Variants in CRYBG3 observed in about 807,000 individuals in gnomAD.
The protein encoded by CRYBG3 is very large A-kinase anchor protein.
In CRYBG3, 127 loss-of-function variants were observed where a neutral mutation model predicts 244.2. The ratio of observed to expected loss-of-function variants is 0.52; its 90% CI spans 0.45 to 0.60. The LOEUF (loss-of-function observed/expected upper bound fraction) is 0.60, where lower values mean the gene tolerates loss of function less well. CRYBG3 is among the 20% of genes least tolerant of loss of function. CRYBG3 has a pLI of 0.00. For synonymous variants in CRYBG3, 1,132 were observed against 1,195.8 expected (o/e 0.95, Z 1.10); for missense variants, 3,325 against 3,442.5 (o/e 0.97, Z 0.85).
chr3:97,898,817 TAG>T, intron 12 of CRYBG3, 64 bp from the exon 13 acceptor site: 1 of 1,152,556 alleles, frequency 8.7e-7, no homozygotes. Flanking sequence ...GATATTTTGC[TAG>T]ATAATAGCAG....
At chr3:97,840,564 A>G (rs770245325) in intron 1 of CRYBG3, 1 of 152,018 alleles carries the variant, frequency 6.6e-6, no homozygotes, top group Non-Finnish European at 1.5e-5. Flanking sequence ...TTTGGAAGTA[A>G]TTACAGCTAT....
At chr3:97,909,876 G>GT (rs2039843312) in intron 15 of CRYBG3, among the ~76,000 whole-genome samples, 1 of 145,650 alleles carries the variant, frequency 6.9e-6, no homozygotes, top group Admixed American at 6.9e-5. Context: ...CATCTTTGTG[G>GT]TTTTATCTAC....
chr3:97,830,017 A>T (rs1486570781), intron 1 of CRYBG3, among the ~76,000 whole-genome samples: 1 of 152,090 alleles, frequency 6.6e-6, no homozygotes, highest in African/African-American at 2.4e-5. Context: ...ATATATATTG[A>T]CCTCTGGTAG....
In CRYBG3 at chr3:97,874,701, A is replaced by G; in HGVS notation, c.3507A>G (p.Gln1169=). The change falls in exon 4 of 22, where the codon CAA becomes CAG. Residue 1169 remains glutamine (Q), a synonymous_variant. Transcript: ENST00000389622. Reference sequence around the variant, plus strand: ...CAGCGTCAGTTAACAGCTCAGGCCAACAGTGTTCTGAAGCCTCTGCTGAGC... The same window carrying G: ...CAGCGTCAGTTAACAGCTCAGGCCAGCAGTGTTCTGAAGCCTCTGCTGAGC... ...GPAASVNSSG[Q]QCSEASAEHI... 2.0e-6 allele frequency: 3 copies of G among 1,535,878 alleles called. No homozygotes were observed. Among genetic ancestry groups the G allele is most frequent in the Admixed American group, 2.0e-5 (1 of 50,986 alleles).
intron 15 of CRYBG3, among the ~76,000 whole-genome samples, chr3:97,905,034 A>G (rs908192530): frequency 1.2e-4 from 18 of 151,784 alleles, no homozygotes; most frequent in African/African-American, 3.6e-4. Context: ...GAGAATGATG[A>G]TTTCCAATTT....
At chr3:97,880,238 A>G in intron 6 of CRYBG3, 138 bp downstream of exon 6, 2 of 564,018 alleles carry the variant, frequency 3.5e-6, no homozygotes, top group Non-Finnish European at 6.2e-6. Context: ...TTGAAACATT[A>G]TTATTAGTGT....
chr3:97,878,145 T>C, intron 4 of CRYBG3, 108 bp downstream of exon 4: 7 of 1,014,100 alleles, frequency 6.9e-6, no homozygotes, highest in Non-Finnish European at 1.0e-5. Context: ...GCATGGTGGC[T>C]CATGCCTGTA....
intron 1 of CRYBG3, chr3:97,837,118 A>G (rs1163477724): frequency 1.3e-5 from 2 of 152,164 alleles, no homozygotes; most frequent in Non-Finnish European, 2.9e-5. Context: ...AGTTGTTGCA[A>G]AGCATTTTAC....
rs185183384 is a variant in CRYBG3 at position 97,846,744 on chromosome 3, A to G, written c.216+3483A>G. Among the ~76,000 whole-genome samples the G allele has an allele frequency of 5.3e-5, 8 of 152,204 alleles. No homozygotes were observed. In the South Asian group the frequency reaches 6.2e-4, roughly 12 times the overall value. ...AATCCTAAGTCATTTCAGATTGCCT[A>G]TGGGATGATTGTTAGGTTCAGAGTC... is the stretch of plus-strand genomic sequence containing the variant. On this transcript the variant is annotated intron_variant, in intron 2 of 21. Coordinates refer to ENST00000389622, the MANE Select transcript of CRYBG3 (RefSeq NM_153605.4).
chr3:97,898,479 T>G (rs368511149), intron 12 of CRYBG3, among the ~76,000 whole-genome samples: 76 of 152,282 alleles, frequency 5.0e-4, no homozygotes, highest in African/African-American at 1.7e-3. Flanking sequence ...TTATATCTAT[T>G]TTTCCTATTA....
chr3:97,877,842 G>C lies in CRYBG3; in HGVS notation c.6648G>C (p.Lys2216Asn), dbSNP rs2108220613. The C allele has an allele frequency of 6.2e-7, 1 of 1,614,066 alleles. No individual in the cohort carries two copies. ...SNLQVGLWPE[K>N]TSFLQKSDLT... Reference sequence around the variant, plus strand: ...TGCAAGTTGGTCTGTGGCCAGAAAAGACCTCGTTTCTCCAGAAATCTGACC... The same window carrying C: ...TGCAAGTTGGTCTGTGGCCAGAAAACACCTCGTTTCTCCAGAAATCTGACC... Residue 2216 changes from lysine to asparagine, a missense_variant, in exon 4 of 22, where the codon AAG (lysine) becomes AAC (asparagine). By Grantham distance (94) the Lys-to-Asn change is moderately conservative (BLOSUM62 0). Coordinates refer to ENST00000389622, the MANE Select transcript of CRYBG3 (RefSeq NM_153605.4).
intron 1 of CRYBG3, among the ~76,000 whole-genome samples, chr3:97,828,029 A>G (rs2038601454): frequency 6.6e-6 from 1 of 152,206 alleles, no homozygotes; most frequent in African/African-American, 2.4e-5. Context: ...GGAGAGGAAA[A>G]TAAATGCACA....
intron 18 of CRYBG3, among the ~76,000 whole-genome samples, chr3:97,935,181 C>T (rs1316456014): frequency 4.6e-5 from 7 of 152,096 alleles, no homozygotes; most frequent in Non-Finnish European, 1.0e-4. Context: ...GTGATGATGA[C>T]AGCCATGCTT....
chr3:97,903,161 C>T (rs1250147233), intron 15 of CRYBG3, among the ~76,000 whole-genome samples: 1 of 152,098 alleles, frequency 6.6e-6, no homozygotes, highest in African/African-American at 2.4e-5. Context: ...AGCAACTAGG[C>T]GTTTTCTTAT....
In CRYBG3 at chr3:97,899,037, C is replaced by G; in HGVS notation, c.7844+12C>G. ...GTTAAAAGTGGAGTGTAAGTTGCCT[C>G]CTCTAAGAACCTTGAGAGTCTTTGG... On this transcript the variant is annotated intron_variant, in intron 13 of 21. Coordinates refer to ENST00000389622, the MANE Select transcript of CRYBG3 (RefSeq NM_153605.4). 6.2e-7 allele frequency: 1 copy of G among 1,606,570 alleles called. No individual in the cohort carries two copies. Among genetic ancestry groups the G allele is most frequent in the African/African-American group, 1.3e-5 (1 of 74,542 alleles).
chr3:97,859,221 C>T (rs1043254558), intron 2 of CRYBG3, among the ~76,000 whole-genome samples: 16 of 152,096 alleles, frequency 1.1e-4, no homozygotes, highest in Non-Finnish European at 1.8e-4. Context: ...CCATTCAGCT[C>T]CACTGATGAA....
chr3:97,937,053 A>T (rs981606953), intron 19 of CRYBG3, 145 bp downstream of exon 19: 1 of 867,590 alleles, frequency 1.2e-6, no homozygotes, highest in Non-Finnish European at 1.7e-6. Flanking sequence ...GATATCTTGT[A>T]CATTTTAACC....
intron 17 of CRYBG3, among the ~76,000 whole-genome samples, chr3:97,927,025 C>T (rs750609957): frequency 1.3e-5 from 2 of 151,880 alleles, no homozygotes; most frequent in African/African-American, 2.4e-5. Context: ...CTGTTCCTAC[C>T]GAAGTACCAA....
intron 15 of CRYBG3, among the ~76,000 whole-genome samples, chr3:97,906,812 C>T (rs1279433675): frequency 9.9e-5 from 15 of 152,088 alleles, no homozygotes; most frequent in African/African-American, 3.6e-4. Flanking sequence ...GAGGGCATCC[C>T]TGTCATGTGC....
Sources: allele counts gnomAD v4.1 joint callset (sites outside exome capture counted in the v4.1 genomes callset), GRCh38; gene constraint gnomAD v4.1.1; transcripts MANE v1.5; gene names NCBI Gene and HGNC (gene_info 2026-07-23, HGNC 2026-07-21).